Variants in MMP2 observed in about 807,000 individuals in gnomAD.
MMP2 encodes the protein 72 kDa type IV collagenase.
In MMP2, 39 loss-of-function variants were observed where a neutral mutation model predicts 74.8. That is an observed-to-expected ratio of 0.52 (90% CI 0.40 to 0.68). The LOEUF (loss-of-function observed/expected upper bound fraction) is 0.68, where lower values mean the gene tolerates loss of function less well. Ranked by LOEUF, MMP2 falls within the 30% of genes least tolerant of loss-of-function variation. The probability of loss-of-function intolerance (pLI) is 0.00; values close to 1 mark genes in which losing one functional copy is unlikely to be tolerated. For synonymous variants in MMP2, 367 were observed against 339.8 expected, an observed-to-expected ratio of 1.08 and a Z score of -0.88; for missense variants, 803 against 878.3, an observed-to-expected ratio of 0.91 and a Z score of 1.08.
rs1385722174 is a variant in MMP2 at position 55,506,410 on chromosome 16, T to C, written c.*968T>C. ...CAAGAGAACCTCAGGGAGAGTAAGC[T>C]CTAGTCCCTCTGTCCTGTAGAAAGA... is the stretch of plus-strand genomic sequence containing the variant. On this transcript the variant is annotated 3_prime_UTR_variant, in exon 13 of 13. Coordinates refer to ENST00000219070, the MANE Select transcript of MMP2 (RefSeq NM_004530.6). 6.6e-6 allele frequency: 1 copy of C among 152,184 alleles called. No homozygotes were observed. Among genetic ancestry groups the C allele is most frequent in the Non-Finnish European group, 1.5e-5 (1 of 68,034 alleles). 9.4% of individuals were successfully genotyped at this position (152,184 alleles called of 1,614,324 possible). A position where few individuals can be genotyped will look rare whatever the true frequency, so the allele number is the denominator to read the frequency against.
intron 11 of MMP2, among the ~76,000 whole-genome samples, chr16:55,501,669 T>C (rs1178937670): frequency 7.0e-6 from 1 of 143,252 alleles, no homozygotes; most frequent in Non-Finnish European, 1.5e-5. Context: ...GAGAAGTCCC[T>C]TTGAGGGAGA....
rs752146777 is a variant in MMP2, at chr16:55,483,038, G to A, written c.283G>A (p.Glu95Lys). The change falls in exon 2 of 13, where the codon GAG (glutamate) becomes AAG (lysine). Residue 95 changes from glutamate to lysine, a missense_variant. By Grantham distance (56) the Glu-to-Lys change is moderately conservative (BLOSUM62 1). Around this residue, in one of 3 missense-constraint regions of MMP2, gnomAD observed 223 missense variants for 232.8 expected, o/e 0.96. Transcript: ENST00000219070. Reference sequence around the variant, plus strand: ...AGGTGATCTTGACCAGAATACCATCGAGACCATGCGGAAGCCACGCTGCGG... The same window carrying A: ...AGGTGATCTTGACCAGAATACCATCAAGACCATGCGGAAGCCACGCTGCGG... ...QTGDLDQNTI[E>K]TMRKPRCGNP... 29 of 1,614,024 alleles carry A rather than the reference G, an allele frequency of 1.8e-5. No individual in the cohort carries two copies. The highest frequency in any genetic ancestry group is 2.2e-5 in the East Asian group (1 of 44,898).
Position 55,488,531 on chromosome 16 carries a change from C to T in MMP2, c.833-12C>T. On this transcript the variant is annotated splice_polypyrimidine_tract_variant and intron_variant, in intron 5 of 12. Coordinates refer to ENST00000219070, the MANE Select transcript of MMP2 (RefSeq NM_004530.6). ...TCTCATTCACATCCTTCCCTCTCTC[C>T]CCCACCCTTAGCCCTGTTCACCATG... The T allele has an allele frequency of 1.2e-6, 2 of 1,613,074 alleles. No individual in the cohort carries two copies. Among genetic ancestry groups the T allele is most frequent in the East Asian group, 2.2e-5 (1 of 44,826 alleles).
Position 55,505,539 on chromosome 16 carries a change from C to T in MMP2, c.*97C>T. ...GACCCGGAGGGGCCTGGCAGCCGTG[C>T]CTTCAGCTCTACAGCTAATCAGCAT... On this transcript the variant is annotated 3_prime_UTR_variant, in exon 13 of 13. Coordinates refer to ENST00000219070, the MANE Select transcript of MMP2 (RefSeq NM_004530.6). The T allele has an allele frequency of 2.0e-6, 2 of 999,524 alleles. No homozygotes were observed. Among genetic ancestry groups the T allele is most frequent in the Non-Finnish European group, 3.2e-6 (2 of 624,892 alleles). 61.9% of individuals were successfully genotyped at this position (999,524 alleles called of 1,614,324 possible).
In MMP2 at chr16:55,488,612, C is replaced by G; in HGVS notation, c.902C>G (p.Ser301Cys). 1 of 1,613,970 alleles carries G rather than the reference C, an allele frequency of 6.2e-7. No individual in the cohort carries two copies. The highest frequency in any genetic ancestry group is 8.5e-7 in the Non-Finnish European group (1 of 1,179,930). ...CKFPFRFQGT[S>C]YDSCTTEGRT... ...TTTCCATTCCGCTTCCAGGGCACAT[C>G]CTATGACAGCTGCACCACTGAGGGC... Residue 301 changes from serine (S) to cysteine (C), a missense_variant, in exon 6 of 13, where the codon TCC becomes TGC. By Grantham distance (112) the Ser-to-Cys change is moderately radical. Transcript: ENST00000219070.
At chr16:55,487,297 G>GTCT (rs1962282934) in intron 5 of MMP2, 2 of 152,464 alleles carry the variant, frequency 1.3e-5, no homozygotes, top group South Asian at 4.1e-4. Flanking sequence ...CTGAGTCAGT[G>GTCT]TCTGATTCTT....
chr16:55,495,287 C>G (rs542821918), intron 9 of MMP2, among the ~76,000 whole-genome samples: 2 of 152,234 alleles, frequency 1.3e-5, no homozygotes, highest in Non-Finnish European at 1.5e-5. Flanking sequence ...ACATGCAGAT[C>G]TCAGATGTGT....
intron 12 of MMP2, 92 bp downstream of exon 12, chr16:55,502,980 GGGCA>G: frequency 1.5e-5 from 16 of 1,043,656 alleles, no homozygotes; most frequent in Middle Eastern, 2.9e-4. Context: ...TTATTGTGCA[GGGCA>G]GGCAGGCAGG....
At chr16:55,501,317 G>A (rs1339712860) in intron 11 of MMP2, among the ~76,000 whole-genome samples, 3 of 152,214 alleles carry the variant, frequency 2.0e-5, no homozygotes, top group African/African-American at 4.8e-5. Context: ...CTTTCTGGAT[G>A]AAAAGAACTT....
chr16:55,504,607 T>G (rs968227822), intron 12 of MMP2, among the ~76,000 whole-genome samples: 1 of 152,000 alleles, frequency 6.6e-6, no homozygotes. Context: ...TTTGGTTTTG[T>G]TTTTGTTTTC....
At chr16:55,488,271 T>G (rs1596814108) in intron 5 of MMP2, 1 of 501,352 alleles carries the variant, frequency 2.0e-6, no homozygotes, top group East Asian at 3.7e-5. Flanking sequence ...TGAGGCAGGG[T>G]TCTAGAAGCC....
At chr16:55,485,883 C>T (rs1341665481) in intron 5 of MMP2, 106 bp downstream of exon 5, 2 of 1,202,810 alleles carry the variant, frequency 1.7e-6, no homozygotes, top group African/African-American at 1.5e-5. Flanking sequence ...GCTGCCACTG[C>T]CAGTTAATGA....
At position 55,481,938 on chromosome 16, in the gene MMP2, C is replaced by G. The variant is rs952622327; in HGVS notation, c.154-971C>G. 4 of 657,222 alleles carry G rather than the reference C, an allele frequency of 6.1e-6. No individual in the cohort carries two copies. The East Asian group carries it at 1.1e-4, about 18-fold the overall frequency. 40.7% of individuals were successfully genotyped at this position (657,222 alleles called of 1,614,324 possible). On this transcript the variant is annotated intron_variant, in intron 1 of 12. Transcript: ENST00000219070. Reference sequence around the variant, plus strand: ...TATATTATTATTATTGTTATGTCCTCCATTTCCCCTTTCCTAACTACTTCC... The same window carrying G: ...TATATTATTATTATTGTTATGTCCTGCATTTCCCCTTTCCTAACTACTTCC...
At position 55,493,169 on chromosome 16, in the gene MMP2, G is replaced by A. The variant is rs749044474; in HGVS notation, c.1348G>A (p.Asp450Asn). 6.2e-7 allele frequency: 1 copy of A among 1,613,902 alleles called. No individual in the cohort carries two copies. Among genetic ancestry groups the A allele is most frequent in the South Asian group, 1.1e-5 (1 of 91,058 alleles). Residue 450 changes from aspartate (D) to asparagine (N), a missense_variant, in exon 9 of 13, where the codon GAC becomes AAC. Transcript: ENST00000219070. ...GGTGTTCTCCCCAGGGGCCTCTCCT[G>A]ACATTGACCTTGGCACCGGCCCCAC... ...GIQELYGASP[D>N]IDLGTGPTPT...
chr16:55,492,164 C>A (rs1465291085), intron 8 of MMP2, among the ~76,000 whole-genome samples: 1 of 152,156 alleles, frequency 6.6e-6, no homozygotes. Flanking sequence ...CCTATCCGAA[C>A]AATGCTAATA....
At chr16:55,480,572 G>A (rs937302332) in intron 1 of MMP2, 4 of 152,452 alleles carry the variant, frequency 2.6e-5, no homozygotes, top group African/African-American at 7.2e-5. Context: ...TGGCTGGAGG[G>A]GCACTGAGCC....
At position 55,505,330 on chromosome 16, in the gene MMP2, C is replaced by G. The variant is rs1187602219; in HGVS notation, c.1880-9C>G. On this transcript the variant is annotated splice_polypyrimidine_tract_variant and intron_variant, in intron 12 of 12. Coordinates refer to ENST00000219070, the MANE Select transcript of MMP2 (RefSeq NM_004530.6). Reference sequence around the variant, plus strand: ...AAGGGGGTCACGGTCTCTTCTTTCTCTATCCCAGGTCACAGCTACTTCTTC... The same window carrying G: ...AAGGGGGTCACGGTCTCTTCTTTCTGTATCCCAGGTCACAGCTACTTCTTC... The G allele has an allele frequency of 5.0e-6, 8 of 1,611,386 alleles. No homozygotes were observed. Among genetic ancestry groups the G allele is most frequent in the South Asian group, 2.2e-5 (2 of 91,022 alleles).
chr16:55,491,169 A>G (rs1962396476), intron 7 of MMP2, among the ~76,000 whole-genome samples: 1 of 150,958 alleles, frequency 6.6e-6, no homozygotes, highest in Non-Finnish European at 1.5e-5. Context: ...GGTTCAAGTG[A>G]TTCTCCTGCC....
rs1596834134 is a variant in MMP2 at position 55,505,449 on chromosome 16, C to T, written c.*7C>T. On this transcript the variant is annotated 3_prime_UTR_variant, in exon 13 of 13. Coordinates refer to ENST00000219070, the MANE Select transcript of MMP2 (RefSeq NM_004530.6). Reference sequence around the variant, plus strand: ...CGACTGGCTAGGCTGCTGAGCTGGCCCTGGCTCCCACAGGCCCTTCCTCTC... The same window carrying T: ...CGACTGGCTAGGCTGCTGAGCTGGCTCTGGCTCCCACAGGCCCTTCCTCTC... The T allele has an allele frequency of 6.2e-6, 10 of 1,613,126 alleles. No individual in the cohort carries two copies. In the East Asian group the frequency reaches 2.2e-4, roughly 36 times the overall value.
Sources: allele counts gnomAD v4.1 joint callset (sites outside exome capture counted in the v4.1 genomes callset), GRCh38; gene constraint gnomAD v4.1.1; regional missense constraint gnomAD v4.1.1; transcripts MANE v1.5; gene names NCBI Gene and HGNC (gene_info 2026-07-23, HGNC 2026-07-21).